The following ATG7 variants were observed in gnomAD, a reference collection of about 807,000 sequenced individuals.
The protein encoded by ATG7 is autophagy related 7.
A neutral mutation model predicts 82.4 loss-of-function variants in ATG7; 70 were observed. The ratio of observed to expected loss-of-function variants is 0.85; its 90% CI spans 0.70 to 1.04. The LOEUF (loss-of-function observed/expected upper bound fraction) is 1.04, where lower values mean the gene tolerates loss of function less well. Ranked by LOEUF, ATG7 falls within the 50% of genes least tolerant of loss-of-function variation. The probability of loss-of-function intolerance (pLI) is 0.00; values close to 1 mark genes in which losing one functional copy is unlikely to be tolerated. For synonymous variants in ATG7, 287 were observed against 313.0 expected (o/e 0.92, Z 0.88); for missense variants, 792 against 864.3 (o/e 0.92, Z 1.05).
At chr3:11,516,306 T>G (rs2092280334) in intron 20 of ATG7, among the ~76,000 whole-genome samples, 1 of 151,986 alleles carries the variant, frequency 6.6e-6, no homozygotes, top group South Asian at 2.1e-4. Context: ...CTGCACGTTG[T>G]GCACATGTAC....
At chr3:11,366,218 C>CAAAAA (rs1296231136) in intron 18 of ATG7, among the ~76,000 whole-genome samples, 4 of 60,650 alleles carry the variant, frequency 6.6e-5, no homozygotes, top group African/African-American at 1.6e-4. Context: ...GACTCCATCT[C>CAAAAA]AAAAAAAAAA....
intron 20 of ATG7, among the ~76,000 whole-genome samples, chr3:11,501,381 C>G (rs2091306663): frequency 6.6e-6 from 1 of 152,200 alleles, no homozygotes; most frequent in Non-Finnish European, 1.5e-5. Flanking sequence ...TTAGTAGATA[C>G]TAGCTGTTAT....
At position 11,556,898 on chromosome 3, in the gene ATG7, TCCACTTTTCAAAGGCCTGCAG is replaced by T. The variant is rs1242519746; in HGVS notation, c.*2061_*2081del. 1 of 152,774 alleles carries T rather than the reference TCCACTTTTCAAAGGCCTGCAG, an allele frequency of 6.5e-6. No individual in the cohort carries two copies. The highest frequency in any genetic ancestry group is 2.4e-5 in the African/African-American group (1 of 41,448). 9.5% of individuals were successfully genotyped at this position (152,774 alleles called of 1,614,324 possible). On this transcript the variant is annotated 3_prime_UTR_variant, in exon 21 of 21. Transcript: ENST00000693202. ...GGCAAGGAGAAGGGCTTTTCTTTCCTCCACTTTTCAAAGGCCTGCAGCCACTCTGTGACTACAAGAGCCAGT... is the reference window on the plus strand; with the variant it reads ...GGCAAGGAGAAGGGCTTTTCTTTCCTCCACTCTGTGACTACAAGAGCCAGT...
chr3:11,406,715 C>T (rs983747011), intron 19 of ATG7, among the ~76,000 whole-genome samples: 7 of 152,164 alleles, frequency 4.6e-5, no homozygotes, highest in Non-Finnish European at 5.9e-5. Context: ...TCACATCTTA[C>T]GTGGATGGCA....
At chr3:11,293,985 T>C (rs1248204467) in intron 3 of ATG7, among the ~76,000 whole-genome samples, 4 of 137,476 alleles carry the variant, frequency 2.9e-5, no homozygotes, top group African/African-American at 8.4e-5. Context: ...ACCATTGCAC[T>C]CCAGCCTGGG....
intron 20 of ATG7, among the ~76,000 whole-genome samples, chr3:11,519,974 G>A (rs561535038): frequency 1.1e-4 from 16 of 152,134 alleles, no homozygotes; most frequent in Admixed American, 3.3e-4. Flanking sequence ...ATCTTACCAC[G>A]GAAATAGCTT....
chr3:11,371,840 C>G (rs901605228), intron 18 of ATG7, among the ~76,000 whole-genome samples: 2 of 151,266 alleles, frequency 1.3e-5, no homozygotes, highest in Non-Finnish European at 2.9e-5. Context: ...GCACCTTGTT[C>G]CCAGTGCACA....
At chr3:11,295,935 C>T (rs749202511) in intron 3 of ATG7, among the ~76,000 whole-genome samples, 14 of 152,140 alleles carry the variant, frequency 9.2e-5, no homozygotes, top group Non-Finnish European at 1.9e-4. Context: ...TGTGCCACCA[C>T]ACCCAGCTAA....
chr3:11,370,625 T>G (rs1010967844), intron 18 of ATG7, among the ~76,000 whole-genome samples: 8 of 151,224 alleles, frequency 5.3e-5, no homozygotes, highest in Admixed American at 5.3e-4. Context: ...AATGGCTGTT[T>G]GTTGCTGGGC....
At chr3:11,489,964 G>A (rs1351376067) in intron 20 of ATG7, among the ~76,000 whole-genome samples, 1 of 151,962 alleles carries the variant, frequency 6.6e-6, no homozygotes, top group South Asian at 2.1e-4. Context: ...TTGATTTGGG[G>A]TGGAGAGTTC....
intron 20 of ATG7, among the ~76,000 whole-genome samples, chr3:11,485,807 C>T (rs1053116734): frequency 6.6e-6 from 1 of 152,150 alleles, no homozygotes; most frequent in African/African-American, 2.4e-5. Context: ...GAATCCTTTC[C>T]CCATTGCTTG....
chr3:11,543,355 C>T (rs2070999014), intron 20 of ATG7, among the ~76,000 whole-genome samples: 1 of 152,200 alleles, frequency 6.6e-6, no homozygotes, highest in Admixed American at 6.5e-5. Context: ...GAACTCCTCC[C>T]TCAGAAGACT....
At chr3:11,455,701 C>T (rs906140483) in intron 20 of ATG7, among the ~76,000 whole-genome samples, 3 of 152,168 alleles carry the variant, frequency 2.0e-5, no homozygotes, top group African/African-American at 7.2e-5. Context: ...TTAGCCCGAG[C>T]TGGCCACAAC....
At chr3:11,357,460 C>T (rs1321752323) in intron 14 of ATG7, among the ~76,000 whole-genome samples, 1 of 152,134 alleles carries the variant, frequency 6.6e-6, no homozygotes, top group Non-Finnish European at 1.5e-5. Context: ...TAACTCCTGC[C>T]CCGATAAAAA....
At chr3:11,492,029 G>A (rs1288447134) in intron 20 of ATG7, among the ~76,000 whole-genome samples, 1 of 152,206 alleles carries the variant, frequency 6.6e-6, no homozygotes, top group African/African-American at 2.4e-5. Context: ...ACCTAAGCAA[G>A]CCTTGGCAAT....
chr3:11,449,856 C>T (rs1409003178), intron 20 of ATG7, among the ~76,000 whole-genome samples: 1 of 152,208 alleles, frequency 6.6e-6, no homozygotes, highest in Non-Finnish European at 1.5e-5. Context: ...AACGCATTAA[C>T]TGCTGAGAAC....
At chr3:11,348,466 C>T (rs954674875) in intron 14 of ATG7, 1 of 169,694 alleles carries the variant, frequency 5.9e-6, no homozygotes, top group African/African-American at 2.4e-5. Context: ...CAGACCTTCG[C>T]AGTGAGTGTT....
At chr3:11,557,775 CCTCAGCTCTAGT>C (rs1214337112), downstream of ATG7, 10 of 152,778 alleles carry the variant, frequency 6.5e-5, no homozygotes, top group African/African-American at 2.2e-4. Context: ...AATCCTCCAA[CCTCAGCTCTAGT>C]CTAACAAACT....
chr3:11,326,705 G>T (rs1012695694), intron 9 of ATG7, among the ~76,000 whole-genome samples: 2 of 152,176 alleles, frequency 1.3e-5, no homozygotes, highest in Non-Finnish European at 2.9e-5. Context: ...TTGGCAGAGG[G>T]GAGCAAAATA....
Sources: allele counts gnomAD v4.1 joint callset (sites outside exome capture counted in the v4.1 genomes callset), GRCh38; gene constraint gnomAD v4.1.1; transcripts MANE v1.5; gene names NCBI Gene and HGNC (gene_info 2026-07-23, HGNC 2026-07-21).